CNTNAP2: variants seen among roughly 807,000 people sequenced by gnomAD.
CNTNAP2 encodes contactin associated protein 2, also known as contactin-associated protein-like 2.
A neutral mutation model predicts 155.2 loss-of-function variants in CNTNAP2; 98 were observed. The observed-to-expected ratio is 0.63, with a 90% CI of 0.54 to 0.75. CNTNAP2 has a LOEUF of 0.75. CNTNAP2 is among the 30% of genes least tolerant of loss of function. The pLI is 0.00. For synonymous variants in CNTNAP2, 651 were observed against 631.2 expected (o/e 1.03, Z -0.47); for missense variants, 1,727 against 1,688.1 (o/e 1.02, Z -0.40).
At chr7:146,255,380 C>T (rs555089603) in intron 1 of CNTNAP2, among the ~76,000 whole-genome samples, 1 of 152,018 alleles carries the variant, frequency 6.6e-6, no homozygotes, top group Non-Finnish European at 1.5e-5. Flanking sequence ...TTTTTCATAC[C>T]GAAGAGTAGA....
intron 13 of CNTNAP2, among the ~76,000 whole-genome samples, chr7:147,877,049 G>A (rs1236844784): frequency 6.6e-6 from 1 of 152,174 alleles, no homozygotes; most frequent in Admixed American, 6.5e-5. Flanking sequence ...TGGGAAAAAA[G>A]TGGTAGCCAG....
chr7:147,288,652 C>T (rs954704271), intron 8 of CNTNAP2, among the ~76,000 whole-genome samples: 1 of 152,280 alleles, frequency 6.6e-6, no homozygotes, highest in East Asian at 1.9e-4. Context: ...ATGGCCAAAG[C>T]CAGATGAAAT....
intron 4 of CNTNAP2, among the ~76,000 whole-genome samples, chr7:147,067,673 A>T (rs1423651777): frequency 6.6e-6 from 1 of 152,146 alleles, no homozygotes; most frequent in Non-Finnish European, 1.5e-5. Flanking sequence ...ACTTTGGGCA[A>T]ACTACTTAAT....
chr7:147,116,487 A>G (rs1344691059), intron 5 of CNTNAP2, among the ~76,000 whole-genome samples: 3 of 152,186 alleles, frequency 2.0e-5, no homozygotes, highest in Non-Finnish European at 4.4e-5. Context: ...CCCGTGGAGA[A>G]CACAGGCAGG....
chr7:148,040,071 G>C (rs4725762), intron 15 of CNTNAP2, among the ~76,000 whole-genome samples: 9,781 of 152,236 alleles, frequency 0.064, 709 homozygotes, highest in African/African-American at 0.18. Context: ...TTTGGCTTCA[G>C]ATGCCGGCTC....
intron 15 of CNTNAP2, among the ~76,000 whole-genome samples, chr7:148,031,303 A>C (rs1368868807): frequency 6.6e-6 from 1 of 152,184 alleles, no homozygotes; most frequent in Non-Finnish European, 1.5e-5. Context: ...CAAGTTTTCT[A>C]ATGTAAGTGC....
chr7:147,934,297 A>G (rs911313298), intron 14 of CNTNAP2, among the ~76,000 whole-genome samples: 12 of 152,226 alleles, frequency 7.9e-5, no homozygotes, highest in African/African-American at 2.9e-4. Context: ...TTACAGTTCC[A>G]AGTGGCTTGG....
intron 19 of CNTNAP2, among the ~76,000 whole-genome samples, chr7:148,222,512 A>ATGAATCGATGAATGGATCATTCCG (rs1795766265): frequency 6.6e-6 from 1 of 151,322 alleles, no homozygotes; most frequent in Non-Finnish European, 1.5e-5. Context: ...GGATCATTCC[A>ATGAATCGATGAATGGATCATTCCG]TGAATCGATG....
At chr7:146,288,324 G>T (rs1446479450) in intron 1 of CNTNAP2, among the ~76,000 whole-genome samples, 2 of 150,124 alleles carry the variant, frequency 1.3e-5, no homozygotes, top group East Asian at 3.9e-4. Flanking sequence ...AAAAATTTGT[G>T]TTTTCTTGGT....
intron 13 of CNTNAP2, among the ~76,000 whole-genome samples, chr7:147,887,142 A>G (rs1799615646): frequency 6.6e-6 from 1 of 152,212 alleles, no homozygotes; most frequent in Non-Finnish European, 1.5e-5. Context: ...TTAAGGCCAA[A>G]TAGATACAAC....
intron 15 of CNTNAP2, among the ~76,000 whole-genome samples, chr7:148,021,463 G>A (rs1254482615): frequency 3.3e-5 from 5 of 152,164 alleles, no homozygotes; most frequent in African/African-American, 1.2e-4. Context: ...GAGACACGGG[G>A]GACAGCTTTC....
intron 8 of CNTNAP2, among the ~76,000 whole-genome samples, chr7:147,273,032 G>C (rs1375702951): frequency 6.6e-6 from 1 of 152,064 alleles, no homozygotes; most frequent in Non-Finnish European, 1.5e-5. Flanking sequence ...GCTGTGGACT[G>C]TGGTTTATTT....
At position 146,506,055 on chromosome 7, in the gene CNTNAP2, G is replaced by A. The variant is rs150170806; in HGVS notation, c.98-268216G>A. 3.3e-3 allele frequency among the ~76,000 whole-genome samples: 495 copies of A among 152,270 alleles called. 5 individuals carry two copies. Among genetic ancestry groups the A allele is most frequent in the African/African-American group, 0.011 (449 of 41,544 alleles). Reference sequence around the variant, plus strand: ...CCATCCATTGTGCCCACTGTTGTACGTGCTATCCAGGAAAATGTGTTCCCC... The same window carrying A: ...CCATCCATTGTGCCCACTGTTGTACATGCTATCCAGGAAAATGTGTTCCCC... On this transcript the variant is annotated intron_variant, in intron 1 of 23. Transcript: ENST00000361727.
chr7:146,242,537 C>CAAA (rs200094549), intron 1 of CNTNAP2, among the ~76,000 whole-genome samples: 5 of 128,228 alleles, frequency 3.9e-5, no homozygotes, highest in South Asian at 5.1e-4. Flanking sequence ...GACTCTGTCT[C>CAAA]AAAAAAAAAA....
At chr7:146,832,447 G>T (rs1442938687) in intron 2 of CNTNAP2, among the ~76,000 whole-genome samples, 1 of 149,568 alleles carries the variant, frequency 6.7e-6, no homozygotes, top group Non-Finnish European at 1.5e-5. Context: ...GTTTACTGAT[G>T]TATAATTGAT....
chr7:147,919,645 A>G (rs993928956), intron 14 of CNTNAP2, among the ~76,000 whole-genome samples: 14 of 150,890 alleles, frequency 9.3e-5, no homozygotes, highest in Non-Finnish European at 1.8e-4. Flanking sequence ...TTTTTAGTAG[A>G]GATGGGGTTT....
chr7:147,168,061 AC>A, intron 8 of CNTNAP2, among the ~76,000 whole-genome samples: 1 of 148,800 alleles, frequency 6.7e-6, no homozygotes, highest in Non-Finnish European at 1.5e-5. Flanking sequence ...ATGTATATAA[AC>A]ATATATATAT....
chr7:146,392,604 C>T (rs569368283), intron 1 of CNTNAP2, among the ~76,000 whole-genome samples: 3 of 152,326 alleles, frequency 2.0e-5, no homozygotes, highest in Non-Finnish European at 2.9e-5. Context: ...AATGCTCATT[C>T]TGGTAACTGC....
chr7:146,173,699 G>A (rs1188428183), intron 1 of CNTNAP2, among the ~76,000 whole-genome samples: 1 of 152,042 alleles, frequency 6.6e-6, no homozygotes, highest in Non-Finnish European at 1.5e-5. Context: ...ATGAGAACTA[G>A]GACTCTAAAA....
Sources: gnomAD v4.1 joint callset for allele counts (sites outside exome capture counted in the v4.1 genomes callset) on GRCh38, gnomAD v4.1.1 for gene constraint, MANE v1.5 for transcripts, NCBI Gene and HGNC (gene_info 2026-07-23, HGNC 2026-07-21) for gene names.